Variants in VPS53 observed in about 807,000 individuals in gnomAD.
VPS53 encodes vacuolar protein sorting-associated protein 53 homolog.
Under a neutral mutation model 107.0 loss-of-function variants are expected in VPS53, and 70 were observed. That is an observed-to-expected ratio of 0.65 (90% CI 0.54 to 0.80). The LOEUF is 0.80. Among genes scored for constraint, VPS53 ranks in the 30% least tolerant of loss-of-function variants. VPS53 has a pLI of 0.00. For synonymous variants in VPS53, 409 were observed against 393.3 expected (o/e 1.04, Z -0.47); for missense variants, 917 against 1,049.4 (o/e 0.87, Z 1.74).
At chr17:713,137 G>A (rs1463202801) in intron 1 of VPS53, among the ~76,000 whole-genome samples, 1 of 151,586 alleles carries the variant, frequency 6.6e-6, no homozygotes, top group Non-Finnish European at 1.5e-5. Flanking sequence ...AGGAGTTCGA[G>A]GCTGCAGTGA....
chr17:592,178 TAA>T (rs1476439972), intron 12 of VPS53, among the ~76,000 whole-genome samples: 14 of 152,236 alleles, frequency 9.2e-5, no homozygotes, highest in Non-Finnish European at 1.9e-4. Flanking sequence ...TTTGTTGGTT[TAA>T]AGTCTGTTTT....
chr17:611,117 G>C (rs545125037), intron 11 of VPS53, among the ~76,000 whole-genome samples: 1 of 152,094 alleles, frequency 6.6e-6, no homozygotes, highest in African/African-American at 2.4e-5. Flanking sequence ...GGGTTCAAGC[G>C]ATTCTCCTGC....
chr17:709,068 C>T (rs1045118431), intron 2 of VPS53, among the ~76,000 whole-genome samples: 10 of 152,128 alleles, frequency 6.6e-5, no homozygotes, highest in Admixed American at 1.3e-4. Flanking sequence ...CCTTCCTGTC[C>T]ATCAGGTCTC....
At chr17:592,833 T>C (rs1967738713) in intron 12 of VPS53, among the ~76,000 whole-genome samples, 1 of 152,186 alleles carries the variant, frequency 6.6e-6, no homozygotes, top group African/African-American at 2.4e-5. Flanking sequence ...TTTCCTTCAT[T>C]TCAACCTTGG....
At chr17:708,183 T>G (rs920263012) in intron 2 of VPS53, among the ~76,000 whole-genome samples, 3 of 152,144 alleles carry the variant, frequency 2.0e-5, no homozygotes, top group African/African-American at 7.2e-5. Context: ...CTACCACCAA[T>G]GCACAGAGTC....
chr17:684,454 T>C (rs1359072278), intron 4 of VPS53, among the ~76,000 whole-genome samples: 1 of 152,192 alleles, frequency 6.6e-6, no homozygotes. Context: ...CCATTTATAA[T>C]CATACCAAAA....
chr17:700,680 A>C (rs570367241), intron 2 of VPS53, among the ~76,000 whole-genome samples: 3 of 152,310 alleles, frequency 2.0e-5, no homozygotes, highest in Admixed American at 1.3e-4. Context: ...TAGAGATGAG[A>C]AAATGTGAGG....
intron 12 of VPS53, among the ~76,000 whole-genome samples, chr17:598,488 C>T (rs1357166781): frequency 6.6e-6 from 1 of 151,654 alleles, no homozygotes; most frequent in Non-Finnish European, 1.5e-5. Context: ...GCGTCTCCGC[C>T]CGGCCGCCAT....
intron 4 of VPS53, among the ~76,000 whole-genome samples, chr17:688,696 C>T (rs1397423475): frequency 6.6e-6 from 1 of 152,140 alleles, no homozygotes; most frequent in Admixed American, 6.5e-5. Context: ...GAACAGTCAC[C>T]GGATTCAACT....
chr17:537,251 G>C, intron 17 of VPS53, 75 bp from the exon 18 acceptor site: 1 of 1,538,406 alleles, frequency 6.5e-7, no homozygotes, highest in Non-Finnish European at 8.8e-7. Flanking sequence ...GAAGGGAGGG[G>C]CTGGAGTGGA....
intron 15 of VPS53, among the ~76,000 whole-genome samples, chr17:554,541 C>T (rs529955718): frequency 3.9e-5 from 6 of 152,224 alleles, no homozygotes; most frequent in Admixed American, 2.6e-4. Context: ...GTAGCTGGGA[C>T]TACAGGCGTG....
At chr17:586,501 T>C in intron 12 of VPS53, 137 bp from the exon 13 acceptor site, 1 of 823,470 alleles carries the variant, frequency 1.2e-6, no homozygotes, top group Admixed American at 2.6e-5. Flanking sequence ...AATACGATGG[T>C]TTCACCATTC....
intron 12 of VPS53, among the ~76,000 whole-genome samples, chr17:591,107 G>A (rs1435510841): frequency 1.3e-5 from 2 of 152,164 alleles, no homozygotes; most frequent in African/African-American, 4.8e-5. Context: ...TTAGTTTTGG[G>A]AGAGTGTATG....
intron 12 of VPS53, among the ~76,000 whole-genome samples, chr17:598,096 C>T (rs911313090): frequency 5.9e-5 from 9 of 151,870 alleles, no homozygotes; most frequent in Non-Finnish European, 1.0e-4. Context: ...CTCAGCCTGC[C>T]GAGTGCCTGC....
intron 8 of VPS53, among the ~76,000 whole-genome samples, chr17:630,814 T>C (rs755556892): frequency 4.6e-5 from 7 of 152,184 alleles, no homozygotes; most frequent in Non-Finnish European, 7.4e-5. Flanking sequence ...CCCTAAGTGC[T>C]TCAGTATATT....
intron 19 of VPS53, among the ~76,000 whole-genome samples, chr17:526,968 G>T (rs1909166829): frequency 6.6e-6 from 1 of 152,236 alleles, no homozygotes; most frequent in Non-Finnish European, 1.5e-5. Flanking sequence ...ATTCTTCAAT[G>T]AGGTGGCACA....
At chr17:580,325 C>A (rs1966931135) in intron 13 of VPS53, among the ~76,000 whole-genome samples, 1 of 150,984 alleles carries the variant, frequency 6.6e-6, no homozygotes, top group South Asian at 2.1e-4. Flanking sequence ...TCCCTCAGAA[C>A]CTCAGTGCGT....
intron 8 of VPS53, 21 bp downstream of exon 8, chr17:631,529 T>C: frequency 8.1e-6 from 13 of 1,612,884 alleles, no homozygotes; most frequent in Non-Finnish European, 1.1e-5. Flanking sequence ...CTCTAAAGAC[T>C]GGGGAAACGC....
chr17:603,417 G>A (rs961512409), intron 11 of VPS53, among the ~76,000 whole-genome samples: 6 of 152,320 alleles, frequency 3.9e-5, no homozygotes, highest in Middle Eastern at 3.4e-3. Context: ...GCGAGACTCC[G>A]TCTCAAAAAT....
Sources: allele counts gnomAD v4.1 joint callset (sites outside exome capture counted in the v4.1 genomes callset), GRCh38; gene constraint gnomAD v4.1.1; transcripts MANE v1.5; gene names NCBI Gene and HGNC (gene_info 2026-07-23, HGNC 2026-07-21).